The following DENND4A variants were observed in gnomAD, a reference collection of about 807,000 sequenced individuals.
DENND4A encodes the protein C-myc promoter-binding protein.
DENND4A carries 70 observed loss-of-function variants against 199.3 expected under a neutral mutation model. The observed-to-expected ratio is 0.35, with a 90% CI of 0.29 to 0.43. The LOEUF (loss-of-function observed/expected upper bound fraction) is 0.43, where lower values mean the gene tolerates loss of function less well. Among genes scored for constraint, DENND4A ranks in the 20% least tolerant of loss-of-function variants. The pLI is 1.00. For missense variants in DENND4A, 1,723 were observed against 2,255.8 expected, an observed-to-expected ratio of 0.76 and a Z score of 4.78; for synonymous variants, 686 against 766.9, an observed-to-expected ratio of 0.89 and a Z score of 1.74.
intron 23 of DENND4A, among the ~76,000 whole-genome samples, chr15:65,679,976 T>G (rs1431330732): frequency 2.6e-5 from 4 of 152,212 alleles, no homozygotes; most frequent in Non-Finnish European, 5.9e-5. Context: ...TTAACCCTAC[T>G]TTCTTTCTCA....
chr15:65,762,942 A>G (rs1282165962), intron 1 of DENND4A, among the ~76,000 whole-genome samples: 1 of 152,202 alleles, frequency 6.6e-6, no homozygotes, highest in African/African-American at 2.4e-5. Flanking sequence ...AAGGAACCAA[A>G]TTCTTCTGAA....
intron 27 of DENND4A, among the ~76,000 whole-genome samples, chr15:65,669,541 T>G (rs887163617): frequency 2.4e-4 from 36 of 152,176 alleles, no homozygotes; most frequent in Admixed American, 2.6e-4. Context: ...GTAAACATTA[T>G]CATATATACA....
At chr15:65,713,818 G>T (rs1167677244) in intron 14 of DENND4A, among the ~76,000 whole-genome samples, 4 of 152,126 alleles carry the variant, frequency 2.6e-5, no homozygotes, top group African/African-American at 7.2e-5. Flanking sequence ...CCTGGGGCTG[G>T]CCATTTCTCT....
At chr15:65,709,719 AAT>A (rs1555422997) in intron 14 of DENND4A, among the ~76,000 whole-genome samples, 1,083 of 51,498 alleles carry the variant, frequency 0.021, 78 homozygotes, top group East Asian at 0.042. Flanking sequence ...AAAAAAAAAA[AAT>A]ATATATATAT....
Position 65,660,362 on chromosome 15 carries a change from AT to A in DENND4A, c.*1488del. On this transcript the variant is annotated 3_prime_UTR_variant, in exon 33 of 33. Transcript: ENST00000443035. ...AGGTGGGTTTTCTGCAGCTGAACTG[AT>A]TCTAAGTCTCAGGACTCCAAGATAC... 6.8e-7 allele frequency: 1 copy of A among 1,477,746 alleles called. No individual in the cohort carries two copies. The highest frequency in any genetic ancestry group is 1.2e-5 in the South Asian group (1 of 82,666). 91.5% of individuals were successfully genotyped at this position (1,477,746 alleles called of 1,614,324 possible).
At chr15:65,677,498 C>T (rs1039787307) in intron 23 of DENND4A, among the ~76,000 whole-genome samples, 5 of 152,134 alleles carry the variant, frequency 3.3e-5, no homozygotes, top group African/African-American at 4.8e-5. Context: ...CCTGAGCCAC[C>T]GTGCCTGGCC....
intron 23 of DENND4A, among the ~76,000 whole-genome samples, chr15:65,681,570 C>T (rs1304943714): frequency 2.1e-5 from 3 of 145,878 alleles, no homozygotes; most frequent in South Asian, 4.3e-4. Context: ...CTTGACATTT[C>T]ATTTTTTTGT....
At position 65,701,051 on chromosome 15, in the gene DENND4A, C is replaced by T; in HGVS notation, c.2701G>A (p.Ala901Thr). 1 of 1,605,030 alleles carries T rather than the reference C, an allele frequency of 6.2e-7. No homozygotes were observed. Among genetic ancestry groups the T allele is most frequent in the Non-Finnish European group, 8.5e-7 (1 of 1,177,522 alleles). Reference protein sequence around the residue: ...HAHLSQTTLSADGSDLDAVSH... With the variant: ...HAHLSQTTLSTDGSDLDAVSH... ...CAAGTAAAACACATACATCCCTTAC[C>T]TGAGAGAGTTGTTTGTGATAAGTGT... The change falls in exon 19 of 33, where the codon GCA (alanine) becomes ACA (threonine). Residue 901 changes from alanine (A) to threonine (T), a missense_variant and splice_region_variant. Physicochemically the swap from Ala to Thr is moderately conservative, Grantham distance 58 (BLOSUM62 0). Around this residue, in one of 6 missense-constraint regions of DENND4A, gnomAD observed 650 missense variants for 738.1 expected, o/e 0.88. Coordinates refer to ENST00000443035, the MANE Select transcript of DENND4A (RefSeq NM_001320835.1).
At chr15:65,782,259 T>C (rs2140973398) in intron 1 of DENND4A, among the ~76,000 whole-genome samples, 1 of 152,308 alleles carries the variant, frequency 6.6e-6, no homozygotes, top group South Asian at 2.1e-4. Flanking sequence ...CAGGACCCTT[T>C]GCATTGCAAG....
At chr15:65,718,812 G>T (rs1596515143) in intron 12 of DENND4A, among the ~76,000 whole-genome samples, 2 of 108,928 alleles carry the variant, frequency 1.8e-5, no homozygotes, top group Middle Eastern at 0.01. Flanking sequence ...CAGAGTCTTG[G>T]TCTGTCACCC....
intron 20 of DENND4A, among the ~76,000 whole-genome samples, chr15:65,699,262 G>A (rs2077263823): frequency 6.6e-6 from 1 of 152,100 alleles, no homozygotes; most frequent in Non-Finnish European, 1.5e-5. Flanking sequence ...ATTGACATTT[G>A]CAGAGATAGG....
chr15:65,741,176 C>T (rs1006656933), intron 5 of DENND4A, among the ~76,000 whole-genome samples: 2 of 151,946 alleles, frequency 1.3e-5, no homozygotes, highest in African/African-American at 2.4e-5. Context: ...CCTCAGCCTC[C>T]GAAAAAACTG....
intron 3 of DENND4A, among the ~76,000 whole-genome samples, chr15:65,754,514 A>G (rs1221685673): frequency 6.6e-6 from 1 of 152,244 alleles, no homozygotes; most frequent in African/African-American, 2.4e-5. Context: ...AATATTTGTA[A>G]ATCATTTAAC....
intron 22 of DENND4A, among the ~76,000 whole-genome samples, chr15:65,693,358 T>C (rs2077039005): frequency 6.6e-6 from 1 of 152,194 alleles, no homozygotes; most frequent in Non-Finnish European, 1.5e-5. Flanking sequence ...ACTGTAATCA[T>C]GGTTAGGTCA....
At chr15:65,719,145 C>T (rs920021554) in intron 12 of DENND4A, 1 of 151,706 alleles carries the variant, frequency 6.6e-6, no homozygotes, top group Non-Finnish European at 1.5e-5. Context: ...ATAAAACATA[C>T]ATATTTTATA....
chr15:65,753,129 G>T lies in DENND4A; in HGVS notation c.312-501C>A, dbSNP rs190977368. Among the ~76,000 whole-genome samples the T allele has an allele frequency of 2.6e-5, 4 of 152,182 alleles. No homozygotes were observed. The East Asian group carries it at 7.7e-4, about 29-fold the overall frequency. ...AATCCATCCTTAATCAAAAGTCTGG[G>T]TGAGGCACTAGGCTTTTATTTTCTC... On this transcript the variant is annotated intron_variant, in intron 3 of 32. Transcript: ENST00000443035.
At chr15:65,696,962 C>T (rs1350402636) in intron 21 of DENND4A, 1 of 304,316 alleles carries the variant, frequency 3.3e-6, no homozygotes, top group African/African-American at 2.2e-5. Flanking sequence ...ATTGTTAAGT[C>T]TCAAAAAAGA....
At position 65,729,679 on chromosome 15, in the gene DENND4A, C is replaced by T; in HGVS notation, c.1167-1G>A. 6.5e-7 allele frequency: 1 copy of T among 1,545,252 alleles called. No homozygotes were observed. Among genetic ancestry groups the T allele is most frequent in the Non-Finnish European group, 8.7e-7 (1 of 1,145,174 alleles). ...CAGTAGTGTTGAAAACTTGCCACCA[C>T]TGTCAATCCAAACAAAAATATATAA... is the stretch of plus-strand genomic sequence containing the variant. On this transcript the variant is annotated splice_acceptor_variant, in intron 9 of 32. Coordinates refer to ENST00000443035, the MANE Select transcript of DENND4A (RefSeq NM_001320835.1). LOFTEE classifies it high-confidence loss of function.
chr15:65,704,762 TG>T (rs936873569), intron 15 of DENND4A, among the ~76,000 whole-genome samples: 11 of 152,044 alleles, frequency 7.2e-5, no homozygotes, highest in South Asian at 2.1e-4. Context: ...AGCTAATTTT[TG>T]TATTTTTAGC....
Sources: gnomAD v4.1 joint callset for allele counts (sites outside exome capture counted in the v4.1 genomes callset) on GRCh38, gnomAD v4.1.1 for gene constraint, gnomAD v4.1.1 regional missense constraint, MANE v1.5 for transcripts, NCBI Gene and HGNC (gene_info 2026-07-23, HGNC 2026-07-21) for gene names.